Variants in KIF5C observed in about 807,000 individuals in gnomAD.
KIF5C encodes the protein kinesin family member 5C.
In KIF5C, 18 loss-of-function variants were observed where a neutral mutation model predicts 125.2. The ratio of observed to expected loss-of-function variants is 0.14; its 90% CI spans 0.10 to 0.21. The LOEUF (loss-of-function observed/expected upper bound fraction) is 0.21, where lower values mean the gene tolerates loss of function less well. Among genes scored for constraint, KIF5C ranks in the 10% least tolerant of loss-of-function variants. The pLI is 1.00. For synonymous variants in KIF5C, 405 were observed against 434.0 expected (o/e 0.93, Z 0.83); for missense variants, 780 against 1,183.8 (o/e 0.66, Z 5.01).
At chr2:148,986,363 T>C (rs1222175693) in intron 15 of KIF5C, among the ~76,000 whole-genome samples, 1 of 152,198 alleles carries the variant, frequency 6.6e-6, no homozygotes, top group African/African-American at 2.4e-5. Flanking sequence ...TCATTCTGGT[T>C]TTTTTCATAT....
chr2:149,018,094 G>A (rs2105211144), intron 25 of KIF5C, among the ~76,000 whole-genome samples: 1 of 152,270 alleles, frequency 6.6e-6, no homozygotes, highest in African/African-American at 2.4e-5. Context: ...TTTGAGACAA[G>A]CCTGGACAAC....
chr2:148,928,229 A>G (rs1221773469), intron 2 of KIF5C, among the ~76,000 whole-genome samples: 1 of 152,192 alleles, frequency 6.6e-6, no homozygotes, highest in Non-Finnish European at 1.5e-5. Context: ...GAAAAACTCT[A>G]TTTAGAGCCT....
At chr2:148,916,746 G>A (rs953305914) in intron 1 of KIF5C, among the ~76,000 whole-genome samples, 3 of 152,054 alleles carry the variant, frequency 2.0e-5, no homozygotes, top group African/African-American at 7.2e-5. Context: ...TTGATTGGGA[G>A]GAAAGCAGGG....
intron 1 of KIF5C, among the ~76,000 whole-genome samples, chr2:148,919,986 A>G (rs1186016383): frequency 6.6e-6 from 1 of 152,208 alleles, no homozygotes; most frequent in Non-Finnish European, 1.5e-5. Context: ...TCATTTGATA[A>G]ATTATGTTAT....
intron 10 of KIF5C, among the ~76,000 whole-genome samples, 183 bp from the exon 11 acceptor site, chr2:148,961,788 G>A (rs1327732238): frequency 3.3e-5 from 5 of 152,178 alleles, no homozygotes; most frequent in Admixed American, 3.3e-4. Flanking sequence ...GAAAGGATGA[G>A]CTTGAGGCCT....
At chr2:148,884,392 A>G (rs927860313) in intron 1 of KIF5C, 2 of 152,216 alleles carry the variant, frequency 1.3e-5, no homozygotes, top group Non-Finnish European at 2.9e-5. Flanking sequence ...CAGCCCCCTC[A>G]GAGAAGCCTT....
chr2:148,968,368 T>C (rs921054530), intron 11 of KIF5C, among the ~76,000 whole-genome samples: 1 of 152,194 alleles, frequency 6.6e-6, no homozygotes, highest in African/African-American at 2.4e-5. Flanking sequence ...GCCTCTAGTC[T>C]GATTTGGGGC....
intron 25 of KIF5C, among the ~76,000 whole-genome samples, chr2:149,014,443 G>T (rs772906555): frequency 6.6e-6 from 1 of 152,218 alleles, no homozygotes; most frequent in Non-Finnish European, 1.5e-5. Context: ...GTAACTAGGT[G>T]CTTCTCTCAC....
At chr2:148,907,753 G>A (rs1681170876) in intron 1 of KIF5C, among the ~76,000 whole-genome samples, 2 of 152,230 alleles carry the variant, frequency 1.3e-5, no homozygotes, top group African/African-American at 4.8e-5. Flanking sequence ...AGGTGGCCCT[G>A]AAGGAAGGTG....
rs1008750839 is a variant in KIF5C, at chr2:148,924,919, C to T, written c.217+2692C>T. Among the ~76,000 whole-genome samples, 1 of 152,172 alleles carries T rather than the reference C, an allele frequency of 6.6e-6. No homozygotes were observed. Among genetic ancestry groups the T allele is most frequent in the African/African-American group, 2.4e-5 (1 of 41,414 alleles). On this transcript the variant is annotated intron_variant, in intron 2 of 25. Coordinates refer to ENST00000435030, the MANE Select transcript of KIF5C (RefSeq NM_004522.3). The surrounding 1 kb of genome is among the most constrained non-coding windows in gnomAD (Gnocchi z 4.0). ...AGTACTTACCGTGGGGTAAGCAGTG[C>T]TGGGACTGGAGTCGCCATGCTATGT...
intron 12 of KIF5C, among the ~76,000 whole-genome samples, chr2:148,976,427 G>A (rs763226072): frequency 3.6e-4 from 53 of 147,076 alleles, no homozygotes; most frequent in Middle Eastern, 3.8e-3. Flanking sequence ...ACACCACCAC[G>A]CCTGGCTAAT....
chr2:148,998,160 A>T, intron 18 of KIF5C: 1 of 583,228 alleles, frequency 1.7e-6, no homozygotes, highest in South Asian at 2.2e-5. Context: ...AACACTTTTT[A>T]TTTAGTTGGT....
chr2:148,966,263 A>G (rs1292650190), intron 11 of KIF5C, among the ~76,000 whole-genome samples: 5 of 151,868 alleles, frequency 3.3e-5, no homozygotes, highest in African/African-American at 9.7e-5. Flanking sequence ...CTTTCTTTGC[A>G]TGGTATTTAT....
intron 8 of KIF5C, 121 bp downstream of exon 8, chr2:148,947,144 G>T: frequency 7.2e-7 from 1 of 1,394,822 alleles, no homozygotes; most frequent in Non-Finnish European, 9.5e-7. Context: ...AGTTTCTGAG[G>T]CTCTGCCAAG....
intron 10 of KIF5C, among the ~76,000 whole-genome samples, chr2:148,961,274 G>C (rs959004908): frequency 6.6e-6 from 1 of 152,040 alleles, no homozygotes; most frequent in East Asian, 1.9e-4. Flanking sequence ...CCTCCTCACC[G>C]CATGGTGATG....
intron 1 of KIF5C, among the ~76,000 whole-genome samples, chr2:148,901,123 A>G (rs1680884978): frequency 6.6e-6 from 1 of 152,178 alleles, no homozygotes; most frequent in Non-Finnish European, 1.5e-5. Context: ...GAGGATATCT[A>G]ATTGTCAAAA....
At chr2:149,000,892 T>C (rs902172506) in intron 21 of KIF5C, 110 bp downstream of exon 21, 11 of 1,527,534 alleles carry the variant, frequency 7.2e-6, no homozygotes, top group Non-Finnish European at 8.8e-7. Context: ...TGTAATGTTT[T>C]AGATAAGACA....
chr2:148,932,359 G>C (rs1349174181), intron 3 of KIF5C, among the ~76,000 whole-genome samples: 1 of 152,146 alleles, frequency 6.6e-6, no homozygotes, highest in Non-Finnish European at 1.5e-5. Flanking sequence ...ACCTTGTATT[G>C]AGGGGAACAA....
chr2:148,986,372 A>G (rs1275749789), intron 15 of KIF5C, among the ~76,000 whole-genome samples: 1 of 152,116 alleles, frequency 6.6e-6, no homozygotes, highest in Non-Finnish European at 1.5e-5. Context: ...TTTTTTTCAT[A>G]TAATTATGAG....
Sources: allele counts gnomAD v4.1 joint callset (sites outside exome capture counted in the v4.1 genomes callset), GRCh38; gene constraint gnomAD v4.1.1; non-coding constraint Gnocchi (gnomAD v3.1); transcripts MANE v1.5; gene names NCBI Gene and HGNC (gene_info 2026-07-23, HGNC 2026-07-21).